LAMA3: variants seen among roughly 807,000 people sequenced by gnomAD.
The protein encoded by LAMA3 is laminin subunit alpha 3, also known as laminin subunit alpha-3.
Under a neutral mutation model 402.0 loss-of-function variants are expected in LAMA3, and 281 were observed. The ratio of observed to expected loss-of-function variants is 0.70; its 90% confidence interval spans 0.63 to 0.77. The LOEUF (loss-of-function observed/expected upper bound fraction) is 0.77. Ranked by LOEUF, LAMA3 falls within the 30% of genes least tolerant of loss-of-function variation. The probability of loss-of-function intolerance (pLI) is 0.00; values close to 1 mark genes in which losing one functional copy is unlikely to be tolerated. For synonymous variants in LAMA3, 1,431 were observed against 1,558.4 expected, an observed-to-expected ratio of 0.92 and a Z score of 1.93; for missense variants, 3,840 against 4,215.5, an observed-to-expected ratio of 0.91 and a Z score of 2.47.
chr18:23,774,511 T>C (rs2062271547), intron 9 of LAMA3, among the ~76,000 whole-genome samples: 1 of 152,216 alleles, frequency 6.6e-6, no homozygotes, highest in South Asian at 2.1e-4. Context: ...ATATAGTTCT[T>C]TTCTGTCTGA....
rs919188982 is a variant in LAMA3, at chr18:23,889,495, G to A, written c.5304-516G>A. 6.6e-5 allele frequency among the ~76,000 whole-genome samples: 10 copies of A among 152,008 alleles called. No homozygotes were observed. In the East Asian group the frequency reaches 9.6e-4, roughly 15 times the overall value. On this transcript the variant is annotated intron_variant, in intron 41 of 74. Transcript: ENST00000313654. The stretch of plus-strand genomic sequence containing the variant: ...AAGGATTGCTTGAGTGCAGAAGTTC[G>A]AGGTTGCAGTGAGCTGTGATTGTGC...
Position 23,759,857 on chromosome 18 carries a change from C to T in LAMA3, c.1063+1346C>T, listed in dbSNP as rs533681953. Among the ~76,000 whole-genome samples, 55 of 152,236 alleles carry T rather than the reference C, an allele frequency of 3.6e-4. No homozygotes were observed. The South Asian group carries it at 0.01, about 29-fold the overall frequency. ...TGGCCATCTCAGGGAAATGCTCTGG[C>T]GCACCTCTGAGTCCCAGGTGTTGCT... is the stretch of plus-strand genomic sequence containing the variant. On this transcript the variant is annotated intron_variant, in intron 7 of 74. Coordinates refer to ENST00000313654, the MANE Select transcript of LAMA3 (RefSeq NM_198129.4).
At chr18:23,779,172 G>A (rs1342393715) in intron 11 of LAMA3, among the ~76,000 whole-genome samples, 2 of 152,138 alleles carry the variant, frequency 1.3e-5, no homozygotes, top group Non-Finnish European at 2.9e-5. Context: ...CACTAGAGAG[G>A]CCTTCTCTTT....
At chr18:23,769,669 A>G (rs945371176) in intron 8 of LAMA3, among the ~76,000 whole-genome samples, 6 of 152,288 alleles carry the variant, frequency 3.9e-5, no homozygotes, top group Middle Eastern at 3.4e-3. Flanking sequence ...GTGCGCAAGC[A>G]CACACACACA....
chr18:23,817,569 G>A lies in LAMA3; in HGVS notation c.2147+1082G>A, dbSNP rs920788159. On this transcript the variant is annotated intron_variant, in intron 18 of 74. Transcript: ENST00000313654. The stretch of plus-strand genomic sequence containing the variant: ...CCTATAAAAAAAAATACAACAATTA[G>A]GCAGGCACTGTGGCACATGCCTGTA... Among the ~76,000 whole-genome samples, 6 of 152,176 alleles carry A rather than the reference G, an allele frequency of 3.9e-5. No homozygotes were observed. In the East Asian group the frequency reaches 5.8e-4, roughly 15 times the overall value.
chr18:23,797,701 C>T (rs955477874), intron 12 of LAMA3, among the ~76,000 whole-genome samples: 7 of 150,656 alleles, frequency 4.6e-5, no homozygotes, highest in Middle Eastern at 3.4e-3. Context: ...GGCAACAGAG[C>T]GAGACTCCGT....
chr18:23,768,602 C>G (rs527380988), intron 8 of LAMA3, among the ~76,000 whole-genome samples: 235 of 152,214 alleles, frequency 1.5e-3, no homozygotes, highest in Non-Finnish European at 2.9e-3. Flanking sequence ...TCAAAGAAAA[C>G]AAAACTACCA....
At chr18:23,877,866 C>G (rs2064772900) in intron 39 of LAMA3, among the ~76,000 whole-genome samples, 1 of 152,136 alleles carries the variant, frequency 6.6e-6, no homozygotes, top group South Asian at 2.1e-4. Flanking sequence ...AATCCCAGCA[C>G]TTTGGGAGGC....
chr18:23,908,813 C>T (rs577213246), intron 54 of LAMA3, among the ~76,000 whole-genome samples: 3 of 152,268 alleles, frequency 2.0e-5, no homozygotes, highest in South Asian at 2.1e-4. Context: ...GTAGGGTAGA[C>T]AGCAAGGATA....
chr18:23,769,381 G>A (rs1009397067), intron 8 of LAMA3, among the ~76,000 whole-genome samples: 3 of 151,992 alleles, frequency 2.0e-5, no homozygotes, highest in Non-Finnish European at 2.9e-5. Flanking sequence ...ATGTAGGGCC[G>A]CTTACAACAA....
intron 40 of LAMA3, among the ~76,000 whole-genome samples, chr18:23,883,492 A>G (rs2064969778): frequency 1.3e-5 from 2 of 152,250 alleles, no homozygotes; most frequent in Non-Finnish European, 2.9e-5. Flanking sequence ...CTCAGAAACA[A>G]GTGTGGATCA....
intron 43 of LAMA3, 148 bp downstream of exon 43, chr18:23,894,496 T>C (rs974333025): frequency 9.3e-6 from 7 of 750,044 alleles, no homozygotes; most frequent in Non-Finnish European, 1.7e-5. Context: ...AATCAGCTTC[T>C]CTCTGTATGA....
At chr18:23,831,931 C>T (rs572731603) in intron 23 of LAMA3, among the ~76,000 whole-genome samples, 10 of 152,154 alleles carry the variant, frequency 6.6e-5, no homozygotes, top group Non-Finnish European at 1.0e-4. Flanking sequence ...CATTAAAGTT[C>T]ACCTTTTTAA....
chr18:23,812,023 G>GCCA (rs931969886), intron 13 of LAMA3, among the ~76,000 whole-genome samples: 39 of 151,988 alleles, frequency 2.6e-4, no homozygotes, highest in African/African-American at 8.4e-4. Flanking sequence ...ACAGGCATGT[G>GCCA]CCACCATGCC....
At chr18:23,940,419 T>C (rs941325277) in intron 68 of LAMA3, among the ~76,000 whole-genome samples, 8 of 152,202 alleles carry the variant, frequency 5.3e-5, no homozygotes, top group Admixed American at 5.2e-4. Flanking sequence ...AGCCCCACTG[T>C]GCTCCCTGCA....
chr18:23,835,854 G>C (rs748147193), intron 24 of LAMA3, among the ~76,000 whole-genome samples: 1 of 151,760 alleles, frequency 6.6e-6, no homozygotes, highest in African/African-American at 2.4e-5. Context: ...GAGTTCTAAC[G>C]ATGTTAAAAA....
At chr18:23,937,371 CAAAAAAAAAAAAAAA>C (rs58274189) in intron 67 of LAMA3, among the ~76,000 whole-genome samples, 43 of 92,876 alleles carry the variant, frequency 4.6e-4, no homozygotes, top group Admixed American at 2.9e-3. Flanking sequence ...TTCTCAAAAG[CAAAAAAAAAAAAAAA>C]AAAAAAAAAA....
chr18:23,695,110 A>T (rs1455447027), intron 1 of LAMA3, among the ~76,000 whole-genome samples: 1 of 152,194 alleles, frequency 6.6e-6, no homozygotes, highest in African/African-American at 2.4e-5. Flanking sequence ...CCCAATGCCC[A>T]GGACTGGACT....
chr18:23,943,728 C>A, intron 68 of LAMA3, 60 bp from the exon 69 acceptor site: 2 of 1,518,072 alleles, frequency 1.3e-6, no homozygotes, highest in African/African-American at 1.4e-5. Context: ...TGTCTCAGTG[C>A]TGAGATTCGA....
Sources: allele counts gnomAD v4.1 joint callset (sites outside exome capture counted in the v4.1 genomes callset), GRCh38; gene constraint gnomAD v4.1.1; transcripts MANE v1.5; gene names NCBI Gene and HGNC (gene_info 2026-07-23, HGNC 2026-07-21).